GAB3: variants seen among roughly 807,000 people sequenced by gnomAD.
GAB3 encodes GRB2-associated-binding protein 3.
GAB3 carries 12 observed loss-of-function variants against 40.4 expected under a neutral mutation model. The observed-to-expected ratio is 0.30, with a 90% confidence interval of 0.19 to 0.48. GAB3 has a LOEUF of 0.48. Ranked by LOEUF, GAB3 falls within the 20% of genes least tolerant of loss-of-function variation. GAB3 has a pLI of 0.99. For missense variants in GAB3, 381 were observed against 461.9 expected, an observed-to-expected ratio of 0.82 and a Z score of 1.61; for synonymous variants, 154 against 176.7, an observed-to-expected ratio of 0.87 and a Z score of 1.02.
upstream of GAB3, chrX:154,751,210 A>C: frequency 4.0e-6 from 1 of 250,331 alleles, no homozygotes; most frequent in Non-Finnish European, 5.4e-6. Context: ...CCGCAACCCA[A>C]GACGGCGGGA....
intron 4 of GAB3, among the ~76,000 whole-genome samples, chrX:154,710,318 G>GGCTC (rs1557255458): frequency 9.0e-6 from 1 of 111,436 alleles, no homozygotes; most frequent in African/African-American, 3.3e-5. Flanking sequence ...TCTAGAACCT[G>GGCTC]ACCAGCTGAC....
chrX:154,676,011 C>T lies in GAB3; in HGVS notation c.*2167G>A, dbSNP rs1226614750. 2.7e-5 allele frequency: 3 copies of T among 111,943 alleles called. No individual in the cohort carries two copies. The highest frequency in any genetic ancestry group is 9.8e-5 in the African/African-American group (3 of 30,732). The allele number at this position is 111,943 out of a possible 1,213,427, so 9.2% of individuals were successfully genotyped here. On this transcript the variant is annotated 3_prime_UTR_variant, in exon 10 of 10. Coordinates refer to ENST00000424127, the MANE Select transcript of GAB3 (RefSeq NM_001081573.3). ...AATTAAATTTTTAAAATTCTGACCC[C>T]TATCGCCTTCCATACCTTTAATGTA... is the stretch of plus-strand genomic sequence containing the variant.
At chrX:154,681,564 C>T (rs2070374542) in intron 8 of GAB3, among the ~76,000 whole-genome samples, 1 of 110,642 alleles carries the variant, frequency 9.0e-6, no homozygotes, top group African/African-American at 3.3e-5. Flanking sequence ...TTGCAGATAG[C>T]TCATCACAGT....
chrX:154,676,876 G>A lies in GAB3; in HGVS notation c.*1302C>T, dbSNP rs1355848320. The A allele has an allele frequency of 1.8e-5, 2 of 111,622 alleles. No homozygotes were observed. The highest frequency in any genetic ancestry group is 6.5e-5 in the African/African-American group (2 of 30,672). 9.2% of individuals were successfully genotyped at this position (111,622 alleles called of 1,213,427 possible). A position where few individuals can be genotyped will look rare whatever the true frequency, so the allele number is the denominator to read the frequency against. ...GAATGGACACTAAATAACACTTCATGCCCAACTGACACCTTCATTCTGGGT... is the reference window on the plus strand; with the variant it reads ...GAATGGACACTAAATAACACTTCATACCCAACTGACACCTTCATTCTGGGT... On this transcript the variant is annotated 3_prime_UTR_variant, in exon 10 of 10. Transcript: ENST00000424127.
Position 154,680,137 on chromosome X carries a change from G to C in GAB3, c.1642C>G (p.Gln548Glu). Reference sequence around the variant, plus strand: ...AGACACAAAGCCCTTCCTACCTGCTGCATGGGGGCTGGTGATGCTGAATTG... The same window carrying C: ...AGACACAAAGCCCTTCCTACCTGCTCCATGGGGGCTGGTGATGCTGAATTG... The part of the protein sequence containing the change: ...DFNSASPAPM[Q>E]QKLLLSEEQR... The change falls in exon 9 of 10, where the codon CAG becomes GAG. Residue 548 changes from glutamine to glutamate, a missense_variant. Physicochemically the swap from Gln to Glu is conservative, Grantham distance 29. Transcript: ENST00000424127. 3 of 1,192,328 alleles carry C rather than the reference G, an allele frequency of 2.5e-6. No homozygotes were observed. The highest frequency in any genetic ancestry group is 3.4e-6 in the Non-Finnish European group (3 of 878,495).
intron 4 of GAB3, among the ~76,000 whole-genome samples, chrX:154,710,493 ACATACATGGGCACTT>A (rs1174465314): frequency 2.7e-5 from 3 of 111,806 alleles, no homozygotes; most frequent in African/African-American, 9.8e-5. Context: ...TCAGACCCTC[ACATACATGGGCACTT>A]CATCTATGGC....
chrX:154,702,341 C>T (rs1246310776), intron 4 of GAB3, among the ~76,000 whole-genome samples: 1 of 112,355 alleles, frequency 8.9e-6, no homozygotes, highest in Non-Finnish European at 1.9e-5. Context: ...CCCTATCTCT[C>T]ACCATATACA....
intron 2 of GAB3, among the ~76,000 whole-genome samples, chrX:154,714,208 T>G (rs1305394830): frequency 9.0e-6 from 1 of 111,477 alleles, no homozygotes; most frequent in African/African-American, 3.3e-5. Context: ...TTTATTTCCC[T>G]TTTGAACCAA....
chrX:154,705,212 C>T (rs1470737899), intron 4 of GAB3, among the ~76,000 whole-genome samples: 1 of 111,317 alleles, frequency 9.0e-6, no homozygotes, highest in Non-Finnish European at 1.9e-5. Flanking sequence ...CTCTGATGAA[C>T]ATAGATGCAA....
intron 2 of GAB3, among the ~76,000 whole-genome samples, chrX:154,715,299 G>T (rs959691873): frequency 1.1e-4 from 12 of 111,812 alleles, no homozygotes; most frequent in Non-Finnish European, 2.3e-4. Context: ...AGGACATGTT[G>T]CAATAATGTC....
intron 9 of GAB3, among the ~76,000 whole-genome samples, 153 bp from the exon 10 acceptor site, chrX:154,678,447 C>G (rs782374834): frequency 8.9e-6 from 1 of 112,911 alleles, no homozygotes; most frequent in South Asian, 3.6e-4. Flanking sequence ...TGTGCACGCA[C>G]GTGCTTCTGC....
Position 154,707,921 on chromosome X carries a change from G to A in GAB3, c.1069+4308C>T, listed in dbSNP as rs188096834. On this transcript the variant is annotated intron_variant, in intron 4 of 9. Transcript: ENST00000424127. ...ATAACATAAAAAATAGCAAATACAC[G>A]GAAATGTATTAATAAGAGATATGTA... Among the ~76,000 whole-genome samples, 599 of 111,243 alleles carry A rather than the reference G, an allele frequency of 5.4e-3. 3 individuals are homozygous for A. Among genetic ancestry groups the A allele is most frequent in the Non-Finnish European group, 8.8e-3 (467 of 52,864 alleles).
Position 154,678,111 on chromosome X carries a change from A to G in GAB3, c.*67T>C. On this transcript the variant is annotated 3_prime_UTR_variant, in exon 10 of 10. Transcript: ENST00000424127. ...GTGTTTTTAGTGGACAAAAAAAAAA[A>G]AAAAAGAAAAAACTCAAACTGAGCC... The G allele has an allele frequency of 1.7e-6, 1 of 580,843 alleles. No homozygotes were observed. The highest frequency in any genetic ancestry group is 2.8e-6 in the Non-Finnish European group (1 of 356,979). The allele number at this position is 580,843 out of a possible 1,213,427, so 47.9% of individuals were successfully genotyped here. A position where few individuals can be genotyped will look rare whatever the true frequency, so the allele number is the denominator to read the frequency against.
chrX:154,709,569 C>T (rs1295099930), intron 4 of GAB3, among the ~76,000 whole-genome samples: 1 of 109,560 alleles, frequency 9.1e-6, no homozygotes, highest in African/African-American at 3.3e-5. Context: ...CTGCCCGCCC[C>T]CGCCTCCCAA....
At chrX:154,734,287 A>T (rs1236294665) in intron 1 of GAB3, among the ~76,000 whole-genome samples, 1 of 113,198 alleles carries the variant, frequency 8.8e-6, no homozygotes, top group Non-Finnish European at 1.9e-5. Context: ...CCTAGCTGTC[A>T]CTTTGCTGCT....
chrX:154,688,765 G>A (rs2070499888), intron 8 of GAB3, among the ~76,000 whole-genome samples: 1 of 111,779 alleles, frequency 8.9e-6, no homozygotes, highest in Non-Finnish European at 1.9e-5. Context: ...GTACATGTTA[G>A]AGCCACACTG....
In GAB3 at chrX:154,716,201, C is replaced by T. The variant is rs1339892273; in HGVS notation, c.201G>A (p.Val67=). 1.7e-6 allele frequency: 2 copies of T among 1,211,613 alleles called. No individual in the cohort carries two copies. The highest frequency in any genetic ancestry group is 2.2e-6 in the Non-Finnish European group (2 of 895,494). The part of the protein sequence containing the change: ...IRVIDLSECA[V]WKHVGPSFVR... ...CAAAGCTGGGGCCCACATGCTTCCA[C>T]ACTGCACACTCGCTGAGGTCTATCA... The change falls in exon 2 of 10, where the codon GTG becomes GTA. Residue 67 remains valine, a synonymous_variant. Coordinates refer to ENST00000424127, the MANE Select transcript of GAB3 (RefSeq NM_001081573.3).
At chrX:154,735,963 G>A (rs891745870) in intron 1 of GAB3, among the ~76,000 whole-genome samples, 1 of 112,022 alleles carries the variant, frequency 8.9e-6, no homozygotes, top group Non-Finnish European at 1.9e-5. Context: ...TAAGGAGTGG[G>A]GTATGCCATT....
chrX:154,733,186 G>A (rs1333564850), intron 1 of GAB3, among the ~76,000 whole-genome samples: 2 of 112,149 alleles, frequency 1.8e-5, no homozygotes, highest in African/African-American at 6.5e-5. Flanking sequence ...ATGAATCAGT[G>A]AGCACTGGTC....
Sources: gnomAD v4.1 joint callset for allele counts (sites outside exome capture counted in the v4.1 genomes callset) on GRCh38, gnomAD v4.1.1 for gene constraint, MANE v1.5 for transcripts, NCBI Gene and HGNC (gene_info 2026-07-23, HGNC 2026-07-21) for gene names.